Variants in TBPL1 observed in about 807,000 individuals in gnomAD.
The protein encoded by TBPL1 is TATA-box binding protein like 1, also known as TATA box-binding protein-like 1.
TBPL1 carries 4 observed loss-of-function variants against 22.1 expected under a neutral mutation model. The observed-to-expected ratio is 0.18, with a 90% CI of 0.09 to 0.41. The LOEUF (loss-of-function observed/expected upper bound fraction) is 0.41, where lower values mean the gene tolerates loss of function less well. TBPL1 is among the 10% of genes least tolerant of loss of function. The pLI is 1.00. For synonymous variants in TBPL1, 64 were observed against 71.0 expected (o/e 0.90, Z 0.50); for missense variants, 115 against 222.3 (o/e 0.52, Z 3.07).
intron 2 of TBPL1, among the ~76,000 whole-genome samples, chr6:133,981,130 G>A (rs981106382): frequency 1.5e-4 from 23 of 151,804 alleles, no homozygotes; most frequent in African/African-American, 5.3e-4. Flanking sequence ...ACACCACCAC[G>A]CTCAGCTAAT....
At chr6:133,967,517 G>A (rs540728846) in intron 1 of TBPL1, among the ~76,000 whole-genome samples, 3 of 152,256 alleles carry the variant, frequency 2.0e-5, no homozygotes, top group Admixed American at 6.5e-5. Flanking sequence ...TTGTCATCAC[G>A]TGAACATCAT....
At chr6:133,976,517 C>T (rs1052844153) in intron 1 of TBPL1, among the ~76,000 whole-genome samples, 6 of 152,120 alleles carry the variant, frequency 3.9e-5, no homozygotes, top group African/African-American at 1.4e-4. Context: ...TTTCCTTTAG[C>T]TGTTTTATTG....
chr6:133,966,552 C>T (rs1469063540), intron 1 of TBPL1, among the ~76,000 whole-genome samples: 1 of 152,178 alleles, frequency 6.6e-6, no homozygotes, highest in African/African-American at 2.4e-5. Flanking sequence ...AGCTGATTAA[C>T]TGCTCCGTAT....
At chr6:133,983,798 A>G (rs3777899) in intron 4 of TBPL1, among the ~76,000 whole-genome samples, 21,830 of 152,220 alleles carry the variant, frequency 0.14, 2,018 homozygotes, top group African/African-American at 0.27. Context: ...CATTATTTTC[A>G]GCCTTGGAAC....
intron 1 of TBPL1, among the ~76,000 whole-genome samples, 161 bp downstream of exon 1, chr6:133,953,586 G>C (rs1775875832): frequency 2.0e-5 from 3 of 152,130 alleles, no homozygotes; most frequent in African/African-American, 7.2e-5. Context: ...CCGCTGAGGT[G>C]GGGGAAACCG....
chr6:133,979,096 G>T (rs1776365036), intron 1 of TBPL1, among the ~76,000 whole-genome samples: 1 of 152,146 alleles, frequency 6.6e-6, no homozygotes, highest in Admixed American at 6.6e-5. Context: ...GGAAGATTCT[G>T]ATCTTGATAA....
intron 1 of TBPL1, among the ~76,000 whole-genome samples, chr6:133,965,786 C>A (rs1776107954): frequency 6.6e-6 from 1 of 152,066 alleles, no homozygotes. Flanking sequence ...GAAATCCTTT[C>A]CATTTTTGAA....
At chr6:133,963,989 C>T (rs1191563338) in intron 1 of TBPL1, among the ~76,000 whole-genome samples, 2 of 152,014 alleles carry the variant, frequency 1.3e-5, no homozygotes, top group African/African-American at 4.8e-5. Flanking sequence ...TGCAATGAGC[C>T]GAGATCGTGA....
rs372776704 is a variant in TBPL1, at chr6:133,980,095, T to C, written c.-31T>C. On this transcript the variant is annotated 5_prime_UTR_variant, in exon 2 of 7. Coordinates refer to ENST00000237264, the MANE Select transcript of TBPL1 (RefSeq NM_004865.4). ...TTTATTTCTCAGGATGTGATCTTCG[T>C]GGTGGAAAGCTAAATTTTAAAACCA... 4.1e-6 allele frequency: 6 copies of C among 1,462,450 alleles called. No individual in the cohort carries two copies. In the African/African-American group the frequency reaches 8.7e-5, roughly 21 times the overall value. 90.6% of individuals were successfully genotyped at this position (1,462,450 alleles called of 1,614,324 possible). A position where few individuals can be genotyped will look rare whatever the true frequency, so the allele number is the denominator to read the frequency against.
chr6:133,956,995 G>T (rs958869099), intron 1 of TBPL1, among the ~76,000 whole-genome samples: 1 of 152,172 alleles, frequency 6.6e-6, no homozygotes, highest in Non-Finnish European at 1.5e-5. Flanking sequence ...TGGAGTTTGT[G>T]TATTTGTGTA....
At chr6:133,982,901 C>A in intron 4 of TBPL1, 21 bp downstream of exon 4, 2 of 1,588,232 alleles carry the variant, frequency 1.3e-6, no homozygotes, top group Admixed American at 1.8e-5. Context: ...CAAATAGTAT[C>A]TAAACTACAA....
upstream of TBPL1, chr6:133,953,126 C>G (rs1451590460): frequency 6.6e-6 from 1 of 152,232 alleles, no homozygotes; most frequent in Non-Finnish European, 1.5e-5. Context: ...AGCGAGGCAC[C>G]CAGGAGCGCC....
At chr6:133,960,206 C>A (rs1348654941) in intron 1 of TBPL1, among the ~76,000 whole-genome samples, 2 of 152,260 alleles carry the variant, frequency 1.3e-5, no homozygotes, top group African/African-American at 2.4e-5. Context: ...CACAGACAAC[C>A]ATATTGAAGG....
rs565526608 is a variant in TBPL1, at chr6:133,959,169, A to G, written c.-45+5744A>G. Among the ~76,000 whole-genome samples the G allele has an allele frequency of 9.8e-4, 149 of 152,142 alleles. 1 individual carries two copies. Among genetic ancestry groups the G allele is most frequent in the South Asian group, 8.7e-3 (42 of 4,818 alleles). On this transcript the variant is annotated intron_variant, in intron 1 of 6. Transcript: ENST00000237264. Reference sequence around the variant, plus strand: ...ATTCTTGTGCCTCAGACACCCAAGTAGTTGGGATTACAGGCATGCGCCACC... The same window carrying G: ...ATTCTTGTGCCTCAGACACCCAAGTGGTTGGGATTACAGGCATGCGCCACC...
intron 2 of TBPL1, among the ~76,000 whole-genome samples, chr6:133,981,472 G>A (rs1776412025): frequency 6.6e-6 from 1 of 152,136 alleles, no homozygotes; most frequent in African/African-American, 2.4e-5. Context: ...AAAGGAAGTA[G>A]TTTTTTTAAG....
At chr6:133,977,388 G>T (rs1006716804) in intron 1 of TBPL1, among the ~76,000 whole-genome samples, 1 of 151,914 alleles carries the variant, frequency 6.6e-6, no homozygotes, top group African/African-American at 2.4e-5. Flanking sequence ...GAATTTCAAG[G>T]CTTCTTTTTT....
At chr6:133,972,256 C>T (rs531561001) in intron 1 of TBPL1, among the ~76,000 whole-genome samples, 1 of 152,174 alleles carries the variant, frequency 6.6e-6, no homozygotes, top group Non-Finnish European at 1.5e-5. Flanking sequence ...ACAAAATTAA[C>T]AGTAATTTCA....
chr6:133,984,489 T>C lies in TBPL1; in HGVS notation c.386+10T>C. 6.2e-7 allele frequency: 1 copy of C among 1,613,166 alleles called. No individual in the cohort carries two copies. The highest frequency in any genetic ancestry group is 8.5e-7 in the Non-Finnish European group (1 of 1,179,490). ...ATAGACCTCATGCCAGGTAAGTCTTTGAAGCAATTTATCTTGAGAAATTAC... is the reference window on the plus strand; with the variant it reads ...ATAGACCTCATGCCAGGTAAGTCTTCGAAGCAATTTATCTTGAGAAATTAC... On this transcript the variant is annotated intron_variant, in intron 5 of 6. Transcript: ENST00000237264.
chr6:133,985,635 G>A (rs1038052788), intron 6 of TBPL1, among the ~76,000 whole-genome samples: 1 of 151,928 alleles, frequency 6.6e-6, no homozygotes, highest in African/African-American at 2.4e-5. Context: ...GGCATTGCTT[G>A]GGAGTCAGGC....
Sources: gnomAD v4.1 joint callset for allele counts (sites outside exome capture counted in the v4.1 genomes callset) on GRCh38, gnomAD v4.1.1 for gene constraint, MANE v1.5 for transcripts, NCBI Gene and HGNC (gene_info 2026-07-23, HGNC 2026-07-21) for gene names.